PXDNL: variants seen among roughly 807,000 people sequenced by gnomAD.
PXDNL encodes the protein probable oxidoreductase PXDNL.
A neutral mutation model predicts 150.8 loss-of-function variants in PXDNL; 145 were observed. The observed-to-expected ratio is 0.96, with a 90% CI of 0.84 to 1.10. The LOEUF is 1.10. Among genes scored for constraint, PXDNL ranks in the 50% least tolerant of loss-of-function variants. The pLI is 0.00. For missense variants in PXDNL, 2,087 were observed against 1,873.9 expected, an observed-to-expected ratio of 1.11 and a Z score of -2.10; for synonymous variants, 757 against 725.7, an observed-to-expected ratio of 1.04 and a Z score of -0.69.
At chr8:51,377,962 T>C (rs1807393267) in intron 17 of PXDNL, among the ~76,000 whole-genome samples, 1 of 152,254 alleles carries the variant, frequency 6.6e-6, no homozygotes, top group South Asian at 2.1e-4. Flanking sequence ...CGGTATCCAC[T>C]GGGTGAAGCC....
intron 4 of PXDNL, among the ~76,000 whole-genome samples, chr8:51,504,353 C>G (rs557918460): frequency 2.6e-5 from 4 of 152,134 alleles, no homozygotes; most frequent in Non-Finnish European, 5.9e-5. Flanking sequence ...TCCAGTATCC[C>G]CTTTATCCCC....
intron 2 of PXDNL, among the ~76,000 whole-genome samples, chr8:51,599,464 T>C (rs1029752218): frequency 2.6e-5 from 4 of 151,628 alleles, no homozygotes; most frequent in African/African-American, 4.8e-5. Flanking sequence ...TTCTGATTCA[T>C]TGTTTACCCA....
Position 51,457,578 on chromosome 8 carries a change from C to T in PXDNL, c.902G>A (p.Gly301Asp), listed in dbSNP as rs769879921. ...ATTTCTGGCCATGCACTGATAGACA[C>T]CTTGGTCTGACTCTCTGGTGTTTCG... ...MIRNTRESDQ[G>D]VYQCMARNSA... Residue 301 changes from glycine to aspartate, a missense_variant, in exon 9 of 23, where the codon GGT (glycine) becomes GAT (aspartate). Coordinates refer to ENST00000356297, the MANE Select transcript of PXDNL (RefSeq NM_144651.5). The T allele has an allele frequency of 1.2e-6, 2 of 1,613,878 alleles. No individual in the cohort carries two copies. The highest frequency in any genetic ancestry group is 1.1e-5 in the South Asian group (1 of 91,068).
chr8:51,800,365 A>C (rs2037605376), intron 1 of PXDNL, among the ~76,000 whole-genome samples: 1 of 152,208 alleles, frequency 6.6e-6, no homozygotes, highest in African/African-American at 2.4e-5. Context: ...TCAGAAAGAC[A>C]AGTTAATAAC....
chr8:51,743,532 C>T (rs1001458153), intron 1 of PXDNL, among the ~76,000 whole-genome samples: 4 of 152,112 alleles, frequency 2.6e-5, no homozygotes, highest in South Asian at 2.1e-4. Context: ...GAGGTGCCTG[C>T]CACCACACCC....
intron 5 of PXDNL, among the ~76,000 whole-genome samples, chr8:51,491,375 C>T (rs886233728): frequency 3.9e-5 from 6 of 152,200 alleles, no homozygotes; most frequent in African/African-American, 1.4e-4. Flanking sequence ...GAAGCTGCCT[C>T]TGGAGAGAGG....
chr8:51,588,112 C>A (rs1813366657), intron 3 of PXDNL, among the ~76,000 whole-genome samples: 1 of 152,050 alleles, frequency 6.6e-6, no homozygotes, highest in Non-Finnish European at 1.5e-5. Flanking sequence ...AAGGAACAAA[C>A]AATAAGCAGG....
At chr8:51,801,219 G>A (rs1435094492) in intron 1 of PXDNL, among the ~76,000 whole-genome samples, 2 of 152,038 alleles carry the variant, frequency 1.3e-5, no homozygotes, top group African/African-American at 2.4e-5. Context: ...ACTGAAATAC[G>A]CCCTGGTCTC....
chr8:51,367,465 ATTGT>A (rs1169545340), intron 19 of PXDNL, among the ~76,000 whole-genome samples: 1 of 152,156 alleles, frequency 6.6e-6, no homozygotes. Flanking sequence ...TATTAATATA[ATTGT>A]TTGTGGAATC....
At chr8:51,578,722 T>C (rs1289045458) in intron 3 of PXDNL, among the ~76,000 whole-genome samples, 1 of 152,012 alleles carries the variant, frequency 6.6e-6, no homozygotes, top group Non-Finnish European at 1.5e-5. Flanking sequence ...GATGTATTAT[T>C]TAGCTATAGT....
At chr8:51,526,150 GGATCA>G (rs1354285981) in intron 4 of PXDNL, among the ~76,000 whole-genome samples, 2 of 152,138 alleles carry the variant, frequency 1.3e-5, no homozygotes, top group Non-Finnish European at 2.9e-5. Context: ...CAGGAGTCCT[GGATCA>G]TCCAGGACAG....
rs572744904 is a variant in PXDNL, at chr8:51,587,788, T to A, written c.308+4839A>T. On this transcript the variant is annotated intron_variant, in intron 3 of 22. Transcript: ENST00000356297. The stretch of plus-strand genomic sequence containing the variant: ...TAATTAAGCAAATATCAAGCATTTA[T>A]TGAGTACCTTATGTTCATACATTTA... Among the ~76,000 whole-genome samples the A allele has an allele frequency of 2.6e-5, 4 of 152,338 alleles. No homozygotes were observed. In the South Asian group the frequency reaches 8.3e-4, roughly 32 times the overall value.
chr8:51,571,981 A>G (rs2130595141), intron 3 of PXDNL, among the ~76,000 whole-genome samples: 1 of 151,966 alleles, frequency 6.6e-6, no homozygotes, highest in Non-Finnish European at 1.5e-5. Flanking sequence ...ATGACAGTGC[A>G]ATAGCCATAT....
chr8:51,536,625 G>T (rs1054000488), intron 4 of PXDNL, among the ~76,000 whole-genome samples: 1 of 147,582 alleles, frequency 6.8e-6, no homozygotes, highest in African/African-American at 2.5e-5. Context: ...AAGTCTTTCA[G>T]TTTTTTTTTT....
intron 21 of PXDNL, among the ~76,000 whole-genome samples, chr8:51,338,366 C>CTA (rs1327421403): frequency 6.6e-6 from 1 of 152,172 alleles, no homozygotes; most frequent in Non-Finnish European, 1.5e-5. Flanking sequence ...TGGGACTAGA[C>CTA]GTGTTCACAT....
chr8:51,807,855 C>T (rs546024048), intron 1 of PXDNL, among the ~76,000 whole-genome samples: 96 of 152,276 alleles, frequency 6.3e-4, no homozygotes, highest in African/African-American at 2.3e-3. Context: ...TTCTCCAAGG[C>T]TTTGCTGCTA....
At chr8:51,731,709 G>T (rs1313632475) in intron 1 of PXDNL, among the ~76,000 whole-genome samples, 2 of 152,172 alleles carry the variant, frequency 1.3e-5, no homozygotes, top group African/African-American at 2.4e-5. Flanking sequence ...CTAGGCAGGG[G>T]TTCCCAAACC....
intron 4 of PXDNL, among the ~76,000 whole-genome samples, chr8:51,536,333 G>A (rs1416180157): frequency 6.6e-6 from 1 of 152,134 alleles, no homozygotes; most frequent in African/African-American, 2.4e-5. Context: ...TTTTTCTTAA[G>A]CAAGTTGAGG....
At chr8:51,524,970 G>C (rs541677304) in intron 4 of PXDNL, among the ~76,000 whole-genome samples, 5 of 152,150 alleles carry the variant, frequency 3.3e-5, no homozygotes, top group Admixed American at 3.3e-4. Flanking sequence ...ATACACCCTC[G>C]CCTTGCTGGA....
Sources: gnomAD v4.1 joint callset for allele counts (sites outside exome capture counted in the v4.1 genomes callset) on GRCh38, gnomAD v4.1.1 for gene constraint, MANE v1.5 for transcripts, NCBI Gene and HGNC (gene_info 2026-07-23, HGNC 2026-07-21) for gene names.